The following GABPA variants were observed in gnomAD, a reference collection of about 807,000 sequenced individuals.
GABPA encodes the protein GA-binding protein alpha chain.
A neutral mutation model predicts 59.4 loss-of-function variants in GABPA; 4 were observed. The observed-to-expected ratio is 0.07, with a 90% CI of 0.03 to 0.15. GABPA has a LOEUF of 0.15. Ranked by LOEUF, GABPA falls within the 10% of genes least tolerant of loss-of-function variation. GABPA has a pLI of 1.00. For missense variants in GABPA, 251 were observed against 543.8 expected (o/e 0.46, Z 5.36); for synonymous variants, 164 against 183.1 (o/e 0.90, Z 0.84).
chr21:25,768,059 T>G (rs1050293883), intron 9 of GABPA, among the ~76,000 whole-genome samples: 1 of 152,088 alleles, frequency 6.6e-6, no homozygotes, highest in Non-Finnish European at 1.5e-5. Flanking sequence ...GGAAAGAGCT[T>G]GACTTGCCTC....
chr21:25,757,057 T>C (rs180920359), intron 5 of GABPA, among the ~76,000 whole-genome samples: 447 of 152,300 alleles, frequency 2.9e-3, no homozygotes, highest in African/African-American at 0.01. Context: ...AAAATTCTTA[T>C]GTTTGATTTA....
At position 25,771,455 on chromosome 21, in the gene GABPA, T is replaced by A. The variant is rs2036008044; in HGVS notation, c.*2223T>A. 6.6e-6 allele frequency: 1 copy of A among 151,942 alleles called. No homozygotes were observed. The highest frequency in any genetic ancestry group is 1.5e-5 in the Non-Finnish European group (1 of 67,834). The allele number at this position is 151,942 out of a possible 1,614,324, so 9.4% of individuals were successfully genotyped here. ...ACATGATCAGATGCTTTTTTTTTCT[T>A]CTTACCATCATTTATGCATGACATA... On this transcript the variant is annotated 3_prime_UTR_variant, in exon 10 of 10. Coordinates refer to ENST00000400075, the MANE Select transcript of GABPA (RefSeq NM_002040.4).
At chr21:25,741,273 A>G (rs2123492541) in intron 1 of GABPA, among the ~76,000 whole-genome samples, 1 of 152,106 alleles carries the variant, frequency 6.6e-6, no homozygotes, top group South Asian at 2.1e-4. Context: ...AGCTGGGACT[A>G]CAGGCGCGTG....
chr21:25,769,308 A>G lies in GABPA; in HGVS notation c.*76A>G, dbSNP rs45602531. Reference sequence around the variant, plus strand: ...AGTATAGCTCTTACCTTTATTACTGAATTTGAATCTTCTTTTATTTCTAGG... The same window carrying G: ...AGTATAGCTCTTACCTTTATTACTGGATTTGAATCTTCTTTTATTTCTAGG... On this transcript the variant is annotated 3_prime_UTR_variant, in exon 10 of 10. Transcript: ENST00000400075. The G allele has an allele frequency of 3.8e-3, 2,547 of 661,764 alleles. 58 individuals carry two copies. In the African/African-American group the frequency reaches 0.042, roughly 11 times the overall value. The allele number at this position is 661,764 out of a possible 1,614,324, so 41.0% of individuals were successfully genotyped here.
intron 4 of GABPA, 87 bp from the exon 5 acceptor site, chr21:25,751,902 C>T (rs1194819595): frequency 1.5e-6 from 2 of 1,339,856 alleles, no homozygotes; most frequent in African/African-American, 1.5e-5. Flanking sequence ...TTTTTCTCTA[C>T]CATTTGGGAA....
chr21:25,757,154 C>G (rs2035656766), intron 5 of GABPA, among the ~76,000 whole-genome samples: 2 of 151,912 alleles, frequency 1.3e-5, no homozygotes, highest in South Asian at 4.1e-4. Flanking sequence ...GGGTATATAA[C>G]CAATATTATT....
chr21:25,761,212 C>A (rs2035757997), intron 6 of GABPA, among the ~76,000 whole-genome samples: 1 of 152,100 alleles, frequency 6.6e-6, no homozygotes, highest in South Asian at 2.1e-4. Context: ...CTGTTTTGTG[C>A]ACTGTGCTTT....
Position 25,735,002 on chromosome 21 carries a change from T to G in GABPA, c.-603T>G. 1 of 1,546,084 alleles carries G rather than the reference T, an allele frequency of 6.5e-7. No individual in the cohort carries two copies. Among genetic ancestry groups the G allele is most frequent in the African/African-American group, 1.4e-5 (1 of 73,142 alleles). ...GTCGACGCTCACCGGACAGGAAGCG[T>G]CTCGGAGACAGTCTGCGACCGGACG... is the stretch of plus-strand genomic sequence containing the variant. On this transcript the variant is annotated 5_prime_UTR_variant, in exon 1 of 10. Transcript: ENST00000400075.
chr21:25,745,375 T>C (rs2035334923), intron 3 of GABPA, 21 bp downstream of exon 3: 1 of 1,609,340 alleles, frequency 6.2e-7, no homozygotes, highest in Non-Finnish European at 8.5e-7. Flanking sequence ...TTTTTGTAAA[T>C]TTCTATTGCA....
At chr21:25,762,493 G>T in intron 7 of GABPA, 128 bp downstream of exon 7, 1 of 601,900 alleles carries the variant, frequency 1.7e-6, no homozygotes, top group Non-Finnish European at 2.9e-6. Flanking sequence ...TTGTTCTGTG[G>T]AATGAAAGCT....
chr21:25,744,219 C>G (rs1208535745), intron 2 of GABPA, among the ~76,000 whole-genome samples: 1 of 151,630 alleles, frequency 6.6e-6, no homozygotes, highest in African/African-American at 2.4e-5. Context: ...AAGTCAAGTG[C>G]AATGGCACAC....
chr21:25,738,766 G>A (rs1218665466), intron 1 of GABPA, among the ~76,000 whole-genome samples: 2 of 152,028 alleles, frequency 1.3e-5, no homozygotes, highest in African/African-American at 4.8e-5. Flanking sequence ...ACATATTCTT[G>A]CCCTGGAAGC....
In GABPA at chr21:25,771,787, T is replaced by G. The variant is rs2036015076; in HGVS notation, c.*2555T>G. 6.6e-6 allele frequency: 1 copy of G among 152,072 alleles called. No individual in the cohort carries two copies. Among genetic ancestry groups the G allele is most frequent in the Admixed American group, 6.5e-5 (1 of 15,286 alleles). The allele number at this position is 152,072 out of a possible 1,614,324, so 9.4% of individuals were successfully genotyped here. On this transcript the variant is annotated 3_prime_UTR_variant, in exon 10 of 10. Coordinates refer to ENST00000400075, the MANE Select transcript of GABPA (RefSeq NM_002040.4). ...TTCATTTTTGTTTTAAAATTTGTTTTCCATGTGAAGTTTTTATTGAGCCAA... is the reference window on the plus strand; with the variant it reads ...TTCATTTTTGTTTTAAAATTTGTTTGCCATGTGAAGTTTTTATTGAGCCAA...
At chr21:25,752,538 T>C (rs2035540085) in intron 5 of GABPA, among the ~76,000 whole-genome samples, 1 of 152,224 alleles carries the variant, frequency 6.6e-6, no homozygotes, top group African/African-American at 2.4e-5. Context: ...GTTTTTAAAC[T>C]GCCAGTAACT....
At position 25,764,791 on chromosome 21, in the gene GABPA, A is replaced by T. The variant is rs2829902; in HGVS notation, c.1136+4A>T. 7.2e-3 allele frequency: 11,026 copies of T among 1,539,938 alleles called. 519 individuals are homozygous for T. The African/African-American group carries it at 0.12, about 16-fold the overall frequency. On this transcript the variant is annotated splice_donor_region_variant and intron_variant, in intron 9 of 9. Coordinates refer to ENST00000400075, the MANE Select transcript of GABPA (RefSeq NM_002040.4). ...AGAAACTCAGTCGTGCATTAAGGTA[A>T]GCCTTTATTACTTTTTTTTCTGTTA... is the stretch of plus-strand genomic sequence containing the variant.
At chr21:25,755,134 C>T (rs533226616) in intron 5 of GABPA, among the ~76,000 whole-genome samples, 7 of 151,732 alleles carry the variant, frequency 4.6e-5, no homozygotes, top group African/African-American at 1.5e-4. Flanking sequence ...GCTGATAAAA[C>T]GAGGCATTGA....
intron 2 of GABPA, among the ~76,000 whole-genome samples, chr21:25,744,074 T>C (rs896119432): frequency 2.0e-5 from 3 of 146,642 alleles, no homozygotes; most frequent in Non-Finnish European, 4.5e-5. Flanking sequence ...CCTACCAGGC[T>C]ATAGCTGAAG....
In GABPA at chr21:25,770,772, TAAGGAC is replaced by T. The variant is rs1027128001; in HGVS notation, c.*1546_*1551del. The T allele has an allele frequency of 1.3e-5, 2 of 152,028 alleles. No individual in the cohort carries two copies. The highest frequency in any genetic ancestry group is 4.8e-5 in the African/African-American group (2 of 41,436). The allele number at this position is 152,028 out of a possible 1,614,324, so 9.4% of individuals were successfully genotyped here. A position where few individuals can be genotyped will look rare whatever the true frequency, so the allele number is the denominator to read the frequency against. ...AATGAATCCTAAGAGGCAGGGATCT[TAAGGAC>T]AAGGAAGAGAAGAGAGAGAGGGAGG... On this transcript the variant is annotated 3_prime_UTR_variant, in exon 10 of 10. Coordinates refer to ENST00000400075, the MANE Select transcript of GABPA (RefSeq NM_002040.4).
chr21:25,756,191 GTTTT>G (rs3084180), intron 5 of GABPA, among the ~76,000 whole-genome samples: 51,962 of 151,586 alleles, frequency 0.34, 10,462 homozygotes, highest in Non-Finnish European at 0.45. Context: ...TTTTCCCTGA[GTTTT>G]TTTTATTTTT....
Sources: gnomAD v4.1 joint callset for allele counts (sites outside exome capture counted in the v4.1 genomes callset) on GRCh38, gnomAD v4.1.1 for gene constraint, MANE v1.5 for transcripts, NCBI Gene and HGNC (gene_info 2026-07-23, HGNC 2026-07-21) for gene names.